Variants in PAX2 observed in about 807,000 individuals in gnomAD.
PAX2 encodes paired box protein Pax-2.
Under a neutral mutation model 41.7 loss-of-function variants are expected in PAX2, and 9 were observed. The ratio of observed to expected loss-of-function variants is 0.22; its 90% CI spans 0.13 to 0.38. The LOEUF (loss-of-function observed/expected upper bound fraction) is 0.38, where lower values mean the gene tolerates loss of function less well. Among genes scored for constraint, PAX2 ranks in the 10% least tolerant of loss-of-function variants. PAX2 has a pLI of 1.00. For missense variants in PAX2, 418 were observed against 531.6 expected, an observed-to-expected ratio of 0.79 and a Z score of 2.10; for synonymous variants, 221 against 212.7, an observed-to-expected ratio of 1.04 and a Z score of -0.34.
rs139724326 is a variant in PAX2, at chr10:100,750,700, C to T, written c.219C>T (p.Tyr73=). 1.4e-4 allele frequency: 227 copies of T among 1,613,890 alleles called. No homozygotes were observed. The highest frequency in any genetic ancestry group is 1.8e-4 in the Non-Finnish European group (216 of 1,179,952). ...GCVSKILGRY[Y]ETGSIKPGVI... is the part of the protein sequence containing the mutation. ...GCCGGCTTTCCCGGCGCAGGTACTA[C>T]GAGACCGGCAGCATCAAGCCGGGTG... The change falls in exon 3 of 10, where the codon TAC becomes TAT. Residue 73 remains tyrosine, a synonymous_variant. Coordinates refer to ENST00000355243, the MANE Select transcript of PAX2 (RefSeq NM_000278.5). The surrounding 1 kb of genome is among the most constrained non-coding windows in gnomAD (Gnocchi z 4.1).
Position 100,748,122 on chromosome 10 carries a change from C to T in PAX2, c.44-1624C>T, listed in dbSNP as rs1221211883. On this transcript the variant is annotated intron_variant, in intron 1 of 9. Coordinates refer to ENST00000355243, the MANE Select transcript of PAX2 (RefSeq NM_000278.5). This position sits in a 1 kb window ranked among gnomAD's most constrained non-coding sequence, Gnocchi z 5.0. The stretch of plus-strand genomic sequence containing the variant: ...CAGTCCCCCAGCCCTGGACTCCCGC[C>T]GTGTCCCCTTCCCATCCCCACCCCT... 1 of 985,146 alleles carries T rather than the reference C, an allele frequency of 1.0e-6. No homozygotes were observed. Among genetic ancestry groups the T allele is most frequent in the South Asian group, 4.7e-5 (1 of 21,278 alleles). The allele number at this position is 985,146 out of a possible 1,614,324, so 61.0% of individuals were successfully genotyped here. A position where few individuals can be genotyped will look rare whatever the true frequency, so the allele number is the denominator to read the frequency against.
intron 3 of PAX2, among the ~76,000 whole-genome samples, chr10:100,753,088 G>A (rs556885041): frequency 3.3e-4 from 50 of 152,336 alleles, no homozygotes; most frequent in Non-Finnish European, 6.5e-4. Flanking sequence ...GCCATCTGTG[G>A]GCAGATGTTG....
At position 100,827,407 on chromosome 10, in the gene PAX2, C is replaced by T. The variant is rs956398871; in HGVS notation, c.1109-136C>T. ...CTATTCTCCGGGGCAACTGGCTCCA[C>T]TGCCCAGCCAAGGTCTCCCAGTCCG... On this transcript the variant is annotated intron_variant, in intron 9 of 9. Coordinates refer to ENST00000355243, the MANE Select transcript of PAX2 (RefSeq NM_000278.5). This position sits in a 1 kb window ranked among gnomAD's most constrained non-coding sequence, Gnocchi z 8.5. The T allele has an allele frequency of 7.8e-6, 7 of 892,730 alleles. No individual in the cohort carries two copies. In the East Asian group the frequency reaches 1.8e-4, roughly 23 times the overall value. 55.3% of individuals were successfully genotyped at this position (892,730 alleles called of 1,614,324 possible).
chr10:100,778,812 A>G (rs1183312137), intron 3 of PAX2, among the ~76,000 whole-genome samples: 1 of 152,156 alleles, frequency 6.6e-6, no homozygotes, highest in Non-Finnish European at 1.5e-5. Flanking sequence ...AACCTCAGAA[A>G]AGGAGGCCAG....
chr10:100,804,778 A>G lies in PAX2; in HGVS notation c.617-1652A>G, dbSNP rs138008249. ...CAAAAGGGAAAAATAAATTTACCAC[A>G]CTTCAACTTTCAACTCATATGTTGA... On this transcript the variant is annotated intron_variant, in intron 5 of 9. Transcript: ENST00000355243. 4.8e-3 allele frequency among the ~76,000 whole-genome samples: 729 copies of G among 152,300 alleles called. 6 individuals are homozygous for G. Among genetic ancestry groups the G allele is most frequent in the African/African-American group, 0.017 (694 of 41,552 alleles).
intron 3 of PAX2, among the ~76,000 whole-genome samples, chr10:100,753,533 G>T (rs1255665180): frequency 6.6e-6 from 1 of 152,206 alleles, no homozygotes; most frequent in Non-Finnish European, 1.5e-5. Context: ...TGTGCACAAA[G>T]TGTGGTGCAC....
In PAX2 at chr10:100,746,273, T is replaced by C; in HGVS notation, c.13T>C (p.Cys5Arg). Reference sequence around the variant, plus strand: ...CCTCTGCCTCCCCATGGATATGCACTGCAAAGCAGACCCCTTCTCCGCGAT... The same window carrying C: ...CCTCTGCCTCCCCATGGATATGCACCGCAAAGCAGACCCCTTCTCCGCGAT... MDMHCKADPFSAMHP... is the reference protein window; with the variant it reads MDMHRKADPFSAMHP... The change falls in exon 1 of 10, where the codon TGC becomes CGC. Residue 5 changes from cysteine to arginine, a missense_variant. By Grantham distance (180) the Cys-to-Arg change is radical. This residue lies in a region of PAX2 where 108 missense variants were observed against 206.3 expected (regional missense o/e 0.52). Transcript: ENST00000355243. The C allele has an allele frequency of 6.2e-7, 1 of 1,613,142 alleles. No individual in the cohort carries two copies. The highest frequency in any genetic ancestry group is 1.7e-5 in the Admixed American group (1 of 60,016).
intron 5 of PAX2, among the ~76,000 whole-genome samples, chr10:100,783,128 G>A (rs991075139): frequency 6.6e-6 from 1 of 152,248 alleles, no homozygotes; most frequent in Non-Finnish European, 1.5e-5. Context: ...CCAGGGCTGC[G>A]CCTGGCTGGC....
At chr10:100,805,023 T>TACAC (rs3978747) in intron 5 of PAX2, among the ~76,000 whole-genome samples, 155 of 95,014 alleles carry the variant, frequency 1.6e-3, no homozygotes, top group Middle Eastern at 5.3e-3. Flanking sequence ...CTCTCTCACA[T>TACAC]ACACACACAC....
rs557223972 is a variant in PAX2, at chr10:100,739,130, G to A, written c.25+3397G>A. On this transcript the variant is annotated intron_variant, in intron 1 of 9. Transcript: ENST00000679374. ...CCAAGACGGCGGGCCAGGAACCCCTGGGACGTCCTGGCTCCAGGCTGGACG... is the reference window on the plus strand; with the variant it reads ...CCAAGACGGCGGGCCAGGAACCCCTAGGACGTCCTGGCTCCAGGCTGGACG... Among the ~76,000 whole-genome samples, 256 of 152,060 alleles carry A rather than the reference G, an allele frequency of 1.7e-3. 2 individuals carry two copies. The highest frequency in any genetic ancestry group is 5.8e-3 in the African/African-American group (239 of 41,482).
intron 3 of PAX2, among the ~76,000 whole-genome samples, chr10:100,775,955 T>C (rs2133887046): frequency 6.6e-6 from 1 of 152,372 alleles, no homozygotes. Flanking sequence ...TTCAAAGCTT[T>C]GGCCACCTGA....
intron 7 of PAX2, among the ~76,000 whole-genome samples, chr10:100,819,638 T>A (rs867282105): frequency 1.3e-5 from 2 of 152,060 alleles, no homozygotes; most frequent in African/African-American, 2.4e-5. Flanking sequence ...AATGAGATAA[T>A]ACATCATATA....
intron 1 of PAX2, chr10:100,747,506 A>G (rs1845235786): frequency 2.0e-6 from 1 of 501,118 alleles, no homozygotes; most frequent in Non-Finnish European, 2.6e-6. Flanking sequence ...CTAAAATTCT[A>G]AATAGAAAAC....
At chr10:100,810,281 C>A (rs541194348) in intron 7 of PAX2, among the ~76,000 whole-genome samples, 21 of 152,278 alleles carry the variant, frequency 1.4e-4, no homozygotes, top group Admixed American at 1.3e-3. Flanking sequence ...CTGAGTGCGG[C>A]TGCATTTGAG....
Position 100,819,259 on chromosome 10 carries a change from A to AG in PAX2, c.920-5381dup, listed in dbSNP as rs1354523079. Among the ~76,000 whole-genome samples the AG allele has an allele frequency of 8.2e-3, 1,194 of 144,776 alleles. 9 individuals carry two copies. The highest frequency in any genetic ancestry group is 0.013 in the Non-Finnish European group (842 of 67,010). The allele number at this position is 144,776 out of a possible 152,430, so 95.0% of individuals were successfully genotyped here. A position where few individuals can be genotyped will look rare whatever the true frequency, so the allele number is the denominator to read the frequency against. On this transcript the variant is annotated intron_variant, in intron 7 of 9. Coordinates refer to ENST00000355243, the MANE Select transcript of PAX2 (RefSeq NM_000278.5). ...CAAGACTCTGTCTCAAAAAAAAAAAAGGGGGGGGAGTTTAAAAACATATCA... is the reference window on the plus strand; with the variant it reads ...CAAGACTCTGTCTCAAAAAAAAAAAAGGGGGGGGGAGTTTAAAAACATATCA...
chr10:100,805,342 G>A (rs1009568832), intron 5 of PAX2, among the ~76,000 whole-genome samples: 7 of 152,124 alleles, frequency 4.6e-5, no homozygotes, highest in African/African-American at 1.4e-4. Context: ...TGGGGCCTCC[G>A]GCATGGGCTG....
In PAX2 at chr10:100,748,682, G is replaced by A; in HGVS notation, c.44-1064G>A. On this transcript the variant is annotated intron_variant, in intron 1 of 9. Coordinates refer to ENST00000355243, the MANE Select transcript of PAX2 (RefSeq NM_000278.5). This position sits in a 1 kb window ranked among gnomAD's most constrained non-coding sequence, Gnocchi z 5.0. Reference sequence around the variant, plus strand: ...GCACCCTCAGGCCTGGCACCCAGTGGCCGCCTCGGTTCCGAGATCGGGAGC... The same window carrying A: ...GCACCCTCAGGCCTGGCACCCAGTGACCGCCTCGGTTCCGAGATCGGGAGC... The A allele has an allele frequency of 2.0e-6, 2 of 985,468 alleles. No individual in the cohort carries two copies. Among genetic ancestry groups the A allele is most frequent in the Non-Finnish European group, 2.4e-6 (2 of 829,932 alleles). The allele number at this position is 985,468 out of a possible 1,614,324, so 61.0% of individuals were successfully genotyped here.
At chr10:100,780,880 A>G (rs1268100052) in intron 4 of PAX2, among the ~76,000 whole-genome samples, 1 of 152,186 alleles carries the variant, frequency 6.6e-6, no homozygotes, top group African/African-American at 2.4e-5. Context: ...TGTGCTCTCT[A>G]GAGGACCATG....
intron 5 of PAX2, among the ~76,000 whole-genome samples, chr10:100,788,947 G>A (rs1306951355): frequency 1.3e-5 from 2 of 151,940 alleles, no homozygotes; most frequent in African/African-American, 4.8e-5. Context: ...TAGAGAAGAC[G>A]GGGAGAAGGA....
Sources: gnomAD v4.1 joint callset for allele counts (sites outside exome capture counted in the v4.1 genomes callset) on GRCh38, gnomAD v4.1.1 for gene constraint, gnomAD v4.1.1 regional missense constraint, Gnocchi (gnomAD v3.1) non-coding constraint, MANE v1.5 for transcripts, NCBI Gene and HGNC (gene_info 2026-07-23, HGNC 2026-07-21) for gene names.